Variants in CAMSAP3 observed in about 807,000 individuals in gnomAD.
CAMSAP3 encodes calmodulin-regulated spectrin-associated protein 3.
A neutral mutation model predicts 112.5 loss-of-function variants in CAMSAP3; 34 were observed. The ratio of observed to expected loss-of-function variants is 0.30; its 90% CI spans 0.23 to 0.40. The LOEUF (loss-of-function observed/expected upper bound fraction) is 0.40, where lower values mean the gene tolerates loss of function less well. CAMSAP3 is among the 10% of genes least tolerant of loss of function. The pLI is 1.00. For synonymous variants in CAMSAP3, 868 were observed against 799.8 expected (o/e 1.09, Z -1.44); for missense variants, 1,602 against 1,770.3 (o/e 0.90, Z 1.71).
intron 1 of CAMSAP3, among the ~76,000 whole-genome samples, chr19:7,598,686 G>C (rs1439666992): frequency 6.6e-6 from 1 of 152,156 alleles, no homozygotes; most frequent in East Asian, 1.9e-4. Flanking sequence ...TACTTGGGAG[G>C]CTGAGGCAGG....
Position 7,608,162 on chromosome 19 carries a change from G to A in CAMSAP3, c.658G>A (p.Ala220Thr), listed in dbSNP as rs1322724151. 3.7e-6 allele frequency: 6 copies of A among 1,612,034 alleles called. No homozygotes were observed. In the East Asian group the frequency reaches 1.3e-4, roughly 36 times the overall value. Residue 220 changes from alanine to threonine, a missense_variant, in exon 5 of 17, where the codon GCC (alanine) becomes ACC (threonine). Coordinates refer to ENST00000160298, the MANE Select transcript of CAMSAP3 (RefSeq NM_020902.2). ...YRKDRVVARRAPCFPTVTSLQ... is the reference protein window; with the variant it reads ...YRKDRVVARRTPCFPTVTSLQ... Reference sequence around the variant, plus strand: ...CAAGGACCGTGTGGTGGCGCGACGTGCCCCCTGCTTCCCGACGGTGACCAG... The same window carrying A: ...CAAGGACCGTGTGGTGGCGCGACGTACCCCCTGCTTCCCGACGGTGACCAG...
Position 7,618,126 on chromosome 19 carries a change from C to A in CAMSAP3, c.*69C>A. The A allele has an allele frequency of 6.6e-7, 1 of 1,522,248 alleles. No individual in the cohort carries two copies. Among genetic ancestry groups the A allele is most frequent in the Non-Finnish European group, 8.9e-7 (1 of 1,126,034 alleles). The allele number at this position is 1,522,248 out of a possible 1,614,324, so 94.3% of individuals were successfully genotyped here. A position where few individuals can be genotyped will look rare whatever the true frequency, so the allele number is the denominator to read the frequency against. ...CGCCATCCCCTGGAGGACAGTCAGT[C>A]GGTATTCCTGGGTCCTGTCTGTCCC... is the stretch of plus-strand genomic sequence containing the variant. On this transcript the variant is annotated 3_prime_UTR_variant, in exon 17 of 17. Coordinates refer to ENST00000160298, the MANE Select transcript of CAMSAP3 (RefSeq NM_020902.2).
At chr19:7,614,629 C>T (rs566641965) in intron 11 of CAMSAP3, 4 of 154,856 alleles carry the variant, frequency 2.6e-5, no homozygotes, top group East Asian at 3.9e-4. Context: ...TGAGCCACCG[C>T]GTCTGGCCTG....
intron 5 of CAMSAP3, among the ~76,000 whole-genome samples, chr19:7,609,391 G>T (rs2030366118): frequency 6.6e-6 from 1 of 151,716 alleles, no homozygotes; most frequent in Non-Finnish European, 1.5e-5. Flanking sequence ...TGAATCCCTG[G>T]GCTCAAACAT....
At chr19:7,597,245 C>G (rs539354092) in intron 1 of CAMSAP3, among the ~76,000 whole-genome samples, 12 of 152,292 alleles carry the variant, frequency 7.9e-5, no homozygotes, top group African/African-American at 2.2e-4. Context: ...CCGCCCCAGC[C>G]TGTCCCTCTT....
Position 7,610,947 on chromosome 19 carries a change from T to A in CAMSAP3, c.1049+16T>A. ...GCGGCAGTAGGTACGCTCCCCACAC[T>A]GGGCGAGTCTCTGGCATTGTGGGTG... is the stretch of plus-strand genomic sequence containing the variant. On this transcript the variant is annotated intron_variant, in intron 8 of 16. Transcript: ENST00000160298. The surrounding 1 kb of genome is among the most constrained non-coding windows in gnomAD (Gnocchi z 4.9). 1 of 1,577,954 alleles carries A rather than the reference T, an allele frequency of 6.3e-7. No homozygotes were observed. The highest frequency in any genetic ancestry group is 8.6e-7 in the Non-Finnish European group (1 of 1,159,814).
In CAMSAP3 at chr19:7,612,685, C is replaced by T; in HGVS notation, c.2192C>T (p.Pro731Leu). 2 of 1,512,748 alleles carry T rather than the reference C, an allele frequency of 1.3e-6. No homozygotes were observed. The highest frequency in any genetic ancestry group is 1.8e-6 in the Non-Finnish European group (2 of 1,133,004). The allele number at this position is 1,512,748 out of a possible 1,614,324, so 93.7% of individuals were successfully genotyped here. A position where few individuals can be genotyped will look rare whatever the true frequency, so the allele number is the denominator to read the frequency against. The change falls in exon 11 of 17, where the codon CCC becomes CTC. Residue 731 changes from proline to leucine, a missense_variant. Transcript: ENST00000160298. ...TDQQQRLLAP[P>L]EAPGSAPPPA... Reference sequence around the variant, plus strand: ...CAGCAGCAGCGGCTCCTGGCCCCGCCCGAGGCCCCCGGATCCGCCCCACCA... The same window carrying T: ...CAGCAGCAGCGGCTCCTGGCCCCGCTCGAGGCCCCCGGATCCGCCCCACCA...
At chr19:7,606,226 C>T in intron 2 of CAMSAP3, 45 bp from the exon 3 acceptor site, 2 of 1,532,344 alleles carry the variant, frequency 1.3e-6, no homozygotes, top group Non-Finnish European at 1.8e-6. Flanking sequence ...CGAGGTGCGC[C>T]TCCTGCAGCT....
chr19:7,612,293 G>A lies in CAMSAP3; in HGVS notation c.1800G>A (p.Met600Ile), dbSNP rs2030537392. 2 of 1,603,686 alleles carry A rather than the reference G, an allele frequency of 1.2e-6. No homozygotes were observed. Among genetic ancestry groups the A allele is most frequent in the Non-Finnish European group, 1.7e-6 (2 of 1,176,144 alleles). Residue 600 changes from methionine to isoleucine, a missense_variant, in exon 11 of 17, where the codon ATG becomes ATA. Physicochemically the swap from Met to Ile is conservative, Grantham distance 10 (BLOSUM62 1). Transcript: ENST00000160298. ...PAPPEALSSE[M>I]SELSARLEEK... ...CGCCGGAGGCCCTGAGCTCGGAGAT[G>A]AGTGAGCTCAGCGCCCGGCTGGAGG...
At chr19:7,606,096 T>A (rs1469584494) in intron 2 of CAMSAP3, among the ~76,000 whole-genome samples, 175 bp from the exon 3 acceptor site, 1 of 151,998 alleles carries the variant, frequency 6.6e-6, no homozygotes, top group African/African-American at 2.4e-5. Context: ...GGGACCCCAT[T>A]TCTTGTTCCT....
Position 7,610,336 on chromosome 19 carries a change from A to G in CAMSAP3, c.761-140A>G. 1 of 684,796 alleles carries G rather than the reference A, an allele frequency of 1.5e-6. No homozygotes were observed. Among genetic ancestry groups the G allele is most frequent in the Non-Finnish European group, 2.4e-6 (1 of 414,796 alleles). 42.4% of individuals were successfully genotyped at this position (684,796 alleles called of 1,614,324 possible). ...CCATCTCAAAAAAAAAAAAAAAAGA[A>G]TTCACCTCTCGAAGGGCACCTGGCA... On this transcript the variant is annotated intron_variant, in intron 5 of 16. Transcript: ENST00000160298. The surrounding 1 kb of genome is among the most constrained non-coding windows in gnomAD (Gnocchi z 4.9).
chr19:7,612,324 C>G lies in CAMSAP3; in HGVS notation c.1831C>G (p.Arg611Gly). 6.2e-7 allele frequency: 1 copy of G among 1,605,236 alleles called. No homozygotes were observed. The highest frequency in any genetic ancestry group is 8.5e-7 in the Non-Finnish European group (1 of 1,177,958). The change falls in exon 11 of 17, where the codon CGC becomes GGC. Residue 611 changes from arginine to glycine, a missense_variant. Around this residue, in one of 6 missense-constraint regions of CAMSAP3, gnomAD observed 1,100 missense variants for 1,135.7 expected, o/e 0.97. Transcript: ENST00000160298. ...SELSARLEEK[R>G]RAIEAQKRRI... ...GCTCAGCGCCCGGCTGGAGGAGAAA[C>G]GCAGAGCCATCGAGGCTCAGAAGCG...
rs1228567691 is a variant in CAMSAP3 at position 7,615,415 on chromosome 19, C to T, written c.2811-3C>T. On this transcript the variant is annotated splice_region_variant and splice_polypyrimidine_tract_variant and intron_variant, in intron 12 of 16. Coordinates refer to ENST00000160298, the MANE Select transcript of CAMSAP3 (RefSeq NM_020902.2). The surrounding 1 kb of genome is among the most constrained non-coding windows in gnomAD (Gnocchi z 6.5). ...TCTGATGCCGATTCCCTGTGATCTG[C>T]AGGCTGGCCCAAGAGGAGGCCCCGG... 1.3e-6 allele frequency: 2 copies of T among 1,540,196 alleles called. No homozygotes were observed. The highest frequency in any genetic ancestry group is 1.7e-6 in the Non-Finnish European group (2 of 1,145,266).
In CAMSAP3 at chr19:7,608,176, G is replaced by C; in HGVS notation, c.672G>C (p.Pro224=). ...TGGCGCGACGTGCCCCCTGCTTCCCGACGGTGACCAGCCTCCAGGACCTGG... is the reference window on the plus strand; with the variant it reads ...TGGCGCGACGTGCCCCCTGCTTCCCCACGGTGACCAGCCTCCAGGACCTGG... ...RVVARRAPCF[P]TVTSLQDLAS... Residue 224 remains proline (P), a synonymous_variant, in exon 5 of 17, where the codon CCG becomes CCC. Coordinates refer to ENST00000160298, the MANE Select transcript of CAMSAP3 (RefSeq NM_020902.2). The C allele has an allele frequency of 6.2e-7, 1 of 1,612,528 alleles. No homozygotes were observed. Among genetic ancestry groups the C allele is most frequent in the Non-Finnish European group, 8.5e-7 (1 of 1,179,930 alleles).
intron 1 of CAMSAP3, among the ~76,000 whole-genome samples, chr19:7,604,028 G>A (rs1385665292): frequency 6.6e-6 from 1 of 152,124 alleles, no homozygotes; most frequent in African/African-American, 2.4e-5. Flanking sequence ...CCAGCTACTT[G>A]GGAGTCTGAG....
Position 7,612,634 on chromosome 19 carries a change from A to G in CAMSAP3, c.2141A>G (p.Gln714Arg), listed in dbSNP as rs1258527683. 2 of 1,521,808 alleles carry G rather than the reference A, an allele frequency of 1.3e-6. No homozygotes were observed. The highest frequency in any genetic ancestry group is 2.4e-5 in the South Asian group (2 of 83,034). The allele number at this position is 1,521,808 out of a possible 1,614,324, so 94.3% of individuals were successfully genotyped here. A position where few individuals can be genotyped will look rare whatever the true frequency, so the allele number is the denominator to read the frequency against. The part of the protein sequence containing the change: ...SKLSAALSSL[Q>R]RDMQRLTDQQ... ...CTGAGTGCCGCCTTGAGCTCGCTGC[A>G]GCGGGACATGCAGAGGCTCACGGAC... Residue 714 changes from glutamine (Q) to arginine (R), a missense_variant, in exon 11 of 17, where the codon CAG (glutamine) becomes CGG (arginine). This residue lies in a region of CAMSAP3 where 1,100 missense variants were observed against 1,135.7 expected (regional missense o/e 0.97). Transcript: ENST00000160298.
In CAMSAP3 at chr19:7,611,810, T is replaced by A. The variant is rs751002412; in HGVS notation, c.1317T>A (p.Arg439=). The stretch of plus-strand genomic sequence containing the variant: ...GCTCGGACAGCCTGGGCCCCCCGCG[T>A]CCCGCGCCGGCCAGGACCCCCACCC... ...SVSSDSLGPP[R]PAPARTPTQP... is the part of the protein sequence containing the mutation. Residue 439 remains arginine, a synonymous_variant, in exon 11 of 17, where the codon CGT becomes CGA. Coordinates refer to ENST00000160298, the MANE Select transcript of CAMSAP3 (RefSeq NM_020902.2). This position sits in a 1 kb window ranked among gnomAD's most constrained non-coding sequence, Gnocchi z 6.9. 3.8e-6 allele frequency: 6 copies of A among 1,594,528 alleles called. No individual in the cohort carries two copies. Among genetic ancestry groups the A allele is most frequent in the African/African-American group, 1.3e-5 (1 of 74,616 alleles).
intron 4 of CAMSAP3, chr19:7,606,907 T>G: frequency 2.4e-4 from 297 of 1,216,972 alleles, no homozygotes; most frequent in Non-Finnish European, 3.4e-4. Context: ...CGCCCTCTCA[T>G]ACCTCCCCAA....
In CAMSAP3 at chr19:7,611,181, T is replaced by A. The variant is rs1568444798; in HGVS notation, c.1123+13T>A. 1 of 1,612,512 alleles carries A rather than the reference T, an allele frequency of 6.2e-7. No individual in the cohort carries two copies. Among genetic ancestry groups the A allele is most frequent in the Non-Finnish European group, 8.5e-7 (1 of 1,179,498 alleles). On this transcript the variant is annotated intron_variant, in intron 9 of 16. Transcript: ENST00000160298. This position sits in a 1 kb window ranked among gnomAD's most constrained non-coding sequence, Gnocchi z 6.9. ...CGAGGATCCACAGGTGAGGAGGGGG[T>A]AGGTGGCTTCTGTCACGGGGGACCC...
Sources: allele counts gnomAD v4.1 joint callset (sites outside exome capture counted in the v4.1 genomes callset), GRCh38; gene constraint gnomAD v4.1.1; regional missense constraint gnomAD v4.1.1; non-coding constraint Gnocchi (gnomAD v3.1); transcripts MANE v1.5; gene names NCBI Gene and HGNC (gene_info 2026-07-23, HGNC 2026-07-21).